The following GPC6 variants were observed in gnomAD, a reference collection of about 807,000 sequenced individuals.
GPC6 encodes glypican-6.
In GPC6, 14 loss-of-function variants were observed where a neutral mutation model predicts 55.2. The observed-to-expected ratio is 0.25, with a 90% confidence interval of 0.17 to 0.40. The LOEUF (loss-of-function observed/expected upper bound fraction) is 0.40, where lower values mean the gene tolerates loss of function less well. Ranked by LOEUF, GPC6 falls within the 10% of genes least tolerant of loss-of-function variation. The pLI is 1.00. For synonymous variants in GPC6, 278 were observed against 259.6 expected, an observed-to-expected ratio of 1.07 and a Z score of -0.68; for missense variants, 641 against 708.5, an observed-to-expected ratio of 0.90 and a Z score of 1.08.
rs1434128925 is a variant in GPC6 at position 93,830,661 on chromosome 13, G to A, written c.711+116G>A. ...AAACCAAGGTAAAAATTCTTAATTG[G>A]TGGTCCTTGCTCTTAATCAGTTAAA... is the stretch of plus-strand genomic sequence containing the variant. On this transcript the variant is annotated intron_variant, in intron 3 of 8. Coordinates refer to ENST00000377047, the MANE Select transcript of GPC6 (RefSeq NM_005708.5). The A allele has an allele frequency of 9.0e-6, 8 of 893,146 alleles. No homozygotes were observed. In the East Asian group the frequency reaches 1.6e-4, roughly 18 times the overall value. The allele number at this position is 893,146 out of a possible 1,614,324, so 55.3% of individuals were successfully genotyped here. A position where few individuals can be genotyped will look rare whatever the true frequency, so the allele number is the denominator to read the frequency against.
At chr13:94,123,856 TTA>T (rs1379388003) in intron 4 of GPC6, among the ~76,000 whole-genome samples, 1 of 152,070 alleles carries the variant, frequency 6.6e-6, no homozygotes, top group Non-Finnish European at 1.5e-5. Context: ...TGAGCCCTGT[TTA>T]TCCAGTGTGT....
chr13:93,775,610 C>G (rs992202502), intron 2 of GPC6, among the ~76,000 whole-genome samples: 3 of 152,178 alleles, frequency 2.0e-5, no homozygotes, highest in African/African-American at 7.2e-5. Context: ...GCAAATATTA[C>G]TTTGCAGTCT....
intron 4 of GPC6, among the ~76,000 whole-genome samples, chr13:94,261,493 T>C (rs1891657323): frequency 6.6e-6 from 1 of 152,136 alleles, no homozygotes; most frequent in African/African-American, 2.4e-5. Flanking sequence ...GGATTTAGTG[T>C]TTACGTGTGA....
intron 4 of GPC6, among the ~76,000 whole-genome samples, chr13:94,268,982 C>T (rs1891903043): frequency 6.6e-6 from 1 of 152,120 alleles, no homozygotes; most frequent in Non-Finnish European, 1.5e-5. Flanking sequence ...GCTGGGAGGG[C>T]ATCCAATTCT....
intron 4 of GPC6, among the ~76,000 whole-genome samples, chr13:94,165,199 G>A (rs1378596629): frequency 6.7e-6 from 1 of 149,532 alleles, no homozygotes; most frequent in Non-Finnish European, 1.5e-5. Context: ...ATGTATGTGT[G>A]TGTGTGTGTA....
At chr13:94,092,660 C>A (rs2138814106) in intron 4 of GPC6, among the ~76,000 whole-genome samples, 1 of 152,204 alleles carries the variant, frequency 6.6e-6, no homozygotes, top group South Asian at 2.1e-4. Context: ...ACCGGGATTG[C>A]TAAACCATAT....
chr13:93,973,049 AGGT>A (rs1880357675), intron 3 of GPC6, among the ~76,000 whole-genome samples: 1 of 151,998 alleles, frequency 6.6e-6, no homozygotes. Flanking sequence ...ACTGCACTAC[AGGT>A]GTACCTTGCT....
At chr13:93,577,209 A>G (rs895258617) in intron 2 of GPC6, among the ~76,000 whole-genome samples, 14 of 152,160 alleles carry the variant, frequency 9.2e-5, no homozygotes, top group African/African-American at 3.1e-4. Flanking sequence ...AAATATTCCC[A>G]AGTCAAATCC....
intron 4 of GPC6, among the ~76,000 whole-genome samples, chr13:94,266,646 A>G (rs1891828916): frequency 6.6e-6 from 1 of 151,770 alleles, no homozygotes; most frequent in African/African-American, 2.4e-5. Context: ...GCCCGGACTG[A>G]CTTAAATGCT....
At chr13:94,366,272 A>G (rs1433864949) in intron 6 of GPC6, among the ~76,000 whole-genome samples, 1 of 152,234 alleles carries the variant, frequency 6.6e-6, no homozygotes, top group Non-Finnish European at 1.5e-5. Context: ...CATTGGCAAA[A>G]TTGAGCTATT....
At chr13:94,316,489 G>T (rs563153461) in intron 6 of GPC6, among the ~76,000 whole-genome samples, 2 of 151,972 alleles carry the variant, frequency 1.3e-5, no homozygotes, top group Non-Finnish European at 2.9e-5. Flanking sequence ...AGGCCGAGGC[G>T]GGCGGATCAC....
At chr13:93,593,468 G>GT (rs1877581028) in intron 2 of GPC6, among the ~76,000 whole-genome samples, 1 of 152,038 alleles carries the variant, frequency 6.6e-6, no homozygotes, top group South Asian at 2.1e-4. Context: ...TTTGTTGAAT[G>GT]TAAGTTATTC....
At chr13:93,519,449 G>C (rs188543863) in intron 1 of GPC6, among the ~76,000 whole-genome samples, 10 of 151,942 alleles carry the variant, frequency 6.6e-5, no homozygotes, top group Admixed American at 4.6e-4. Flanking sequence ...GGCCAAGATA[G>C]AAACACTAAA....
intron 2 of GPC6, among the ~76,000 whole-genome samples, chr13:93,763,031 C>G (rs558399516): frequency 6.6e-6 from 1 of 152,336 alleles, no homozygotes; most frequent in East Asian, 1.9e-4. Context: ...TTTCATTTCT[C>G]AATAACTTGA....
intron 2 of GPC6, among the ~76,000 whole-genome samples, chr13:93,631,600 G>A (rs559813248): frequency 1.1e-4 from 17 of 152,190 alleles, no homozygotes; most frequent in African/African-American, 3.6e-4. Context: ...ACCTGATAAC[G>A]CTGGTCTGTC....
chr13:94,203,049 A>G (rs1889802422), intron 4 of GPC6, among the ~76,000 whole-genome samples: 1 of 152,024 alleles, frequency 6.6e-6, no homozygotes, highest in African/African-American at 2.4e-5. Flanking sequence ...AAATGCCCCA[A>G]AAGTGATAGA....
intron 3 of GPC6, among the ~76,000 whole-genome samples, chr13:93,958,204 A>C (rs746816799): frequency 6.6e-6 from 1 of 152,194 alleles, no homozygotes; most frequent in African/African-American, 2.4e-5. Flanking sequence ...GCTATGCAGA[A>C]GCTCTTTAAT....
intron 2 of GPC6, among the ~76,000 whole-genome samples, chr13:93,683,782 C>A (rs935614068): frequency 3.3e-5 from 5 of 151,968 alleles, no homozygotes; most frequent in African/African-American, 4.8e-5. Flanking sequence ...TGTTTTTAGT[C>A]CTTTTGGGCT....
chr13:93,891,558 C>CT (rs1297452578), intron 3 of GPC6, among the ~76,000 whole-genome samples: 1 of 152,122 alleles, frequency 6.6e-6, no homozygotes, highest in East Asian at 1.9e-4. Flanking sequence ...TTGAAAGACT[C>CT]TAAGAATTTG....
Sources: allele counts gnomAD v4.1 joint callset (sites outside exome capture counted in the v4.1 genomes callset), GRCh38; gene constraint gnomAD v4.1.1; transcripts MANE v1.5; gene names NCBI Gene and HGNC (gene_info 2026-07-23, HGNC 2026-07-21).